The following DSCAM variants were observed in gnomAD, a reference collection of about 807,000 sequenced individuals.
DSCAM encodes DS cell adhesion molecule.
Under a neutral mutation model 217.7 loss-of-function variants are expected in DSCAM, and 47 were observed. The ratio of observed to expected loss-of-function variants is 0.22; its 90% CI spans 0.17 to 0.28. The LOEUF is 0.28. DSCAM is among the 10% of genes least tolerant of loss of function. The probability of loss-of-function intolerance (pLI) is 1.00; values close to 1 mark genes in which losing one functional copy is unlikely to be tolerated. For synonymous variants in DSCAM, 1,056 were observed against 1,015.3 expected, an observed-to-expected ratio of 1.04 and a Z score of -0.76; for missense variants, 2,080 against 2,618.3, an observed-to-expected ratio of 0.79 and a Z score of 4.49.
intron 3 of DSCAM, among the ~76,000 whole-genome samples, chr21:40,391,865 A>C (rs2075136933): frequency 6.6e-6 from 1 of 152,210 alleles, no homozygotes; most frequent in African/African-American, 2.4e-5. Flanking sequence ...AGGCATTAGA[A>C]TGTGACTCTG....
At chr21:40,328,474 C>A (rs970414816) in intron 8 of DSCAM, among the ~76,000 whole-genome samples, 4 of 152,064 alleles carry the variant, frequency 2.6e-5, no homozygotes, top group African/African-American at 9.7e-5. Flanking sequence ...GCCATATACA[C>A]AATTAAACTC....
intron 1 of DSCAM, among the ~76,000 whole-genome samples, chr21:40,827,825 CTG>C (rs1273515392): frequency 6.6e-6 from 1 of 152,206 alleles, no homozygotes; most frequent in Admixed American, 6.5e-5. Context: ...GAGCAACAAG[CTG>C]TGTTTGAGGC....
rs1336515593 is a variant in DSCAM, at chr21:40,692,820, T to C, written c.498A>G (p.Ser166=). The change falls in exon 3 of 33, where the codon TCA becomes TCG. Residue 166 remains serine (S), a synonymous_variant. Coordinates refer to ENST00000400454, the MANE Select transcript of DSCAM (RefSeq NM_001389.5). ...AGACGCAAAGCCTACCTGAGACAAG[T>C]GAAACAGTGTCTTTCTCCCATGAGA... ...TVVSWEKDTV[S]LVSGSRFLIT... The C allele has an allele frequency of 6.2e-7, 1 of 1,612,348 alleles. No homozygotes were observed.
intron 13 of DSCAM, 49 bp from the exon 14 acceptor site, chr21:40,187,308 C>T (rs1417602162): frequency 2.5e-6 from 4 of 1,605,724 alleles, no homozygotes; most frequent in Non-Finnish European, 3.4e-6. Flanking sequence ...AGAGCTCTGA[C>T]ATAAAACGCT....
At chr21:40,545,871 G>A (rs989538083) in intron 3 of DSCAM, among the ~76,000 whole-genome samples, 1 of 152,244 alleles carries the variant, frequency 6.6e-6, no homozygotes, top group Non-Finnish European at 1.5e-5. Flanking sequence ...AGTGACTGGA[G>A]TGGCCACGTG....
At chr21:40,630,076 C>T (rs914253443) in intron 3 of DSCAM, among the ~76,000 whole-genome samples, 1 of 152,014 alleles carries the variant, frequency 6.6e-6, no homozygotes, top group Non-Finnish European at 1.5e-5. Flanking sequence ...TGGAGCCCAA[C>T]AGGAAGAGGT....
chr21:40,828,316 G>C (rs1036643668), intron 1 of DSCAM, among the ~76,000 whole-genome samples: 1 of 152,210 alleles, frequency 6.6e-6, no homozygotes, highest in African/African-American at 2.4e-5. Context: ...GGACATGAAT[G>C]GAGGTTTCAG....
chr21:40,326,579 G>A (rs1261617542), intron 8 of DSCAM, among the ~76,000 whole-genome samples: 3 of 152,196 alleles, frequency 2.0e-5, no homozygotes, highest in Non-Finnish European at 4.4e-5. Context: ...TTGCTCTAGA[G>A]GGAATATTCG....
At chr21:40,258,180 A>G (rs886327226) in intron 11 of DSCAM, among the ~76,000 whole-genome samples, 1 of 152,204 alleles carries the variant, frequency 6.6e-6, no homozygotes, top group East Asian at 1.9e-4. Context: ...AAAAAGGAGA[A>G]GCGATGAAAA....
At chr21:40,422,130 A>T (rs1298649686) in intron 3 of DSCAM, among the ~76,000 whole-genome samples, 1 of 151,836 alleles carries the variant, frequency 6.6e-6, no homozygotes, top group Admixed American at 6.6e-5. Flanking sequence ...CAATTACTAC[A>T]CTCTTTTCTA....
intron 3 of DSCAM, among the ~76,000 whole-genome samples, chr21:40,524,231 TC>T (rs1474427712): frequency 6.6e-6 from 1 of 152,184 alleles, no homozygotes; most frequent in Non-Finnish European, 1.5e-5. Flanking sequence ...AAAATTTTAA[TC>T]TGTCATTTTC....
chr21:40,296,699 C>CGCAT (rs1161779457), intron 9 of DSCAM, among the ~76,000 whole-genome samples: 2 of 151,790 alleles, frequency 1.3e-5, no homozygotes, highest in Non-Finnish European at 2.9e-5. Context: ...GGTGTGGTGG[C>CGCAT]GCATGCCTGT....
intron 3 of DSCAM, among the ~76,000 whole-genome samples, chr21:40,582,920 A>T (rs1251143844): frequency 6.6e-6 from 1 of 152,174 alleles, no homozygotes; most frequent in Non-Finnish European, 1.5e-5. Flanking sequence ...TGTACTGCAC[A>T]CTGATATTTG....
intron 9 of DSCAM, among the ~76,000 whole-genome samples, chr21:40,304,215 T>C (rs1171303339): frequency 6.6e-6 from 1 of 152,212 alleles, no homozygotes; most frequent in African/African-American, 2.4e-5. Context: ...TTAGATCAAG[T>C]CTTTACAAAT....
At chr21:40,839,237 A>C (rs974781046) in intron 1 of DSCAM, among the ~76,000 whole-genome samples, 1 of 152,222 alleles carries the variant, frequency 6.6e-6, no homozygotes, top group Non-Finnish European at 1.5e-5. Context: ...TAAGGACTTC[A>C]TATATTGCAA....
At chr21:40,137,252 G>A (rs1340084166) in intron 18 of DSCAM, among the ~76,000 whole-genome samples, 3 of 66,704 alleles carry the variant, frequency 4.5e-5, no homozygotes, top group Admixed American at 1.5e-4. Flanking sequence ...ATACTAATTA[G>A]AATTAACATT....
intron 1 of DSCAM, among the ~76,000 whole-genome samples, chr21:40,771,326 C>G (rs575995783): frequency 6.6e-6 from 1 of 152,324 alleles, no homozygotes; most frequent in East Asian, 1.9e-4. Context: ...TAACGCAGTT[C>G]TGAGCTGCAA....
At chr21:40,264,216 C>G (rs2073492260) in intron 11 of DSCAM, among the ~76,000 whole-genome samples, 1 of 152,076 alleles carries the variant, frequency 6.6e-6, no homozygotes, top group Non-Finnish European at 1.5e-5. Context: ...AGCCAGTATC[C>G]TCATACCAAA....
chr21:40,815,599 T>C (rs548498451), intron 1 of DSCAM, among the ~76,000 whole-genome samples: 1 of 152,342 alleles, frequency 6.6e-6, no homozygotes, highest in East Asian at 1.9e-4. Context: ...GTGATAATAA[T>C]GGAAGTGTCA....
Sources: gnomAD v4.1 joint callset for allele counts (sites outside exome capture counted in the v4.1 genomes callset) on GRCh38, gnomAD v4.1.1 for gene constraint, MANE v1.5 for transcripts, NCBI Gene and HGNC (gene_info 2026-07-23, HGNC 2026-07-21) for gene names.